WDCP: variants seen among roughly 807,000 people sequenced by gnomAD.
WDCP encodes the protein WD repeat and coiled-coil-containing protein.
WDCP carries 19 observed loss-of-function variants against 41.6 expected under a neutral mutation model. The ratio of observed to expected loss-of-function variants is 0.46; its 90% CI spans 0.32 to 0.67. The LOEUF (loss-of-function observed/expected upper bound fraction) is 0.67, where lower values mean the gene tolerates loss of function less well. Among genes scored for constraint, WDCP ranks in the 30% least tolerant of loss-of-function variants. WDCP has a pLI of 0.04. For synonymous variants in WDCP, 302 were observed against 320.8 expected, an observed-to-expected ratio of 0.94 and a Z score of 0.63; for missense variants, 802 against 850.7, an observed-to-expected ratio of 0.94 and a Z score of 0.71.
At chr2:24,031,252 G>T in intron 3 of WDCP, 90 bp from the exon 4 acceptor site, 1 of 812,524 alleles carries the variant, frequency 1.2e-6, no homozygotes, top group Non-Finnish European at 2.0e-6. Context: ...CTGAGTGAAG[G>T]AATATAGTAG....
At chr2:24,044,651 G>A (rs1033363658) in intron 1 of WDCP, among the ~76,000 whole-genome samples, 11 of 151,948 alleles carry the variant, frequency 7.2e-5, no homozygotes, top group Non-Finnish European at 1.2e-4. Flanking sequence ...TCTCAAAAAC[G>A]CAGTGATAAT....
At chr2:24,040,237 A>C (rs946567744) in intron 1 of WDCP, among the ~76,000 whole-genome samples, 2 of 152,016 alleles carry the variant, frequency 1.3e-5, no homozygotes, top group African/African-American at 4.8e-5. Flanking sequence ...ATGGTTTGAC[A>C]AAAAAAACCC....
intron 1 of WDCP, 73 bp from the exon 2 acceptor site, chr2:24,039,585 A>AC: frequency 7.3e-7 from 1 of 1,366,586 alleles, no homozygotes; most frequent in Non-Finnish European, 1.0e-6. Context: ...ATTTGGTAAG[A>AC]CAACGGCTTA....
chr2:24,032,189 G>A (rs1478660208), intron 3 of WDCP, among the ~76,000 whole-genome samples: 1 of 152,174 alleles, frequency 6.6e-6, no homozygotes, highest in East Asian at 1.9e-4. Context: ...CTGGGCAACA[G>A]AGTGAGACCC....
chr2:24,034,926 T>C (rs1043849308), intron 2 of WDCP, among the ~76,000 whole-genome samples: 1 of 151,944 alleles, frequency 6.6e-6, no homozygotes, highest in Admixed American at 6.5e-5. Flanking sequence ...TTTACATTTA[T>C]AAGTGTTTTA....
At chr2:24,035,689 AG>A in intron 2 of WDCP, among the ~76,000 whole-genome samples, 2 of 151,988 alleles carry the variant, frequency 1.3e-5, no homozygotes, top group African/African-American at 2.4e-5. Flanking sequence ...CTGAAGCAGG[AG>A]GACTGCTTGA....
In WDCP at chr2:24,043,213, G is replaced by A. The variant is rs568593634; in HGVS notation, c.-18-3701C>T. Among the ~76,000 whole-genome samples, 5 of 152,238 alleles carry A rather than the reference G, an allele frequency of 3.3e-5. No individual in the cohort carries two copies. The East Asian group carries it at 9.6e-4, about 29-fold the overall frequency. On this transcript the variant is annotated intron_variant, in intron 1 of 3. Transcript: ENST00000295148. ...TAGCCAGGAGTGATGGCACACTCCT[G>A]TAATCCCAGCTACTTGGGAGGCTGA...
chr2:24,034,219 G>A (rs1292551371), intron 2 of WDCP, among the ~76,000 whole-genome samples: 1 of 152,082 alleles, frequency 6.6e-6, no homozygotes, highest in Non-Finnish European at 1.5e-5. Context: ...TCAGGAGTTC[G>A]AGACCAGCCT....
At position 24,038,413 on chromosome 2, in the gene WDCP, C is replaced by G. The variant is rs747925134; in HGVS notation, c.1082G>C (p.Cys361Ser). The G allele has an allele frequency of 1.9e-6, 3 of 1,614,130 alleles. No homozygotes were observed. The South Asian group carries it at 3.3e-5, about 18-fold the overall frequency. ...AHVVAVASNT[C>S]NIILIYSVIP... The stretch of plus-strand genomic sequence containing the variant: ...GACAGAGTAGATCAAAATTATATTA[C>G]AAGTGTTGGAAGCCACTGCCACTAC... Residue 361 changes from cysteine to serine, a missense_variant, in exon 2 of 4, where the codon TGT becomes TCT. Physicochemically the swap from Cys to Ser is moderately radical, Grantham distance 112 (BLOSUM62 -1). This residue lies in a region of WDCP where 247 missense variants were observed against 240.5 expected (regional missense o/e 1.03). Coordinates refer to ENST00000295148, the MANE Select transcript of WDCP (RefSeq NM_025203.3).
At chr2:24,034,905 A>C (rs1373555052) in intron 2 of WDCP, among the ~76,000 whole-genome samples, 1 of 152,058 alleles carries the variant, frequency 6.6e-6, no homozygotes, top group Admixed American at 6.6e-5. Context: ...TAGTTTTTAA[A>C]AATATAAAAT....
rs1377435269 is a variant in WDCP at position 24,040,495 on chromosome 2, T to C, written c.-18-983A>G. On this transcript the variant is annotated intron_variant, in intron 1 of 3. Transcript: ENST00000295148. ...GCACTTATTTCAAATCCTTCCAAAGTGGCTTTTATCCCTCTATTGAAATGA... is the reference window on the plus strand; with the variant it reads ...GCACTTATTTCAAATCCTTCCAAAGCGGCTTTTATCCCTCTATTGAAATGA... Among the ~76,000 whole-genome samples, 3 of 152,262 alleles carry C rather than the reference T, an allele frequency of 2.0e-5. No individual in the cohort carries two copies. The East Asian group carries it at 5.8e-4, about 29-fold the overall frequency.
At chr2:24,035,217 G>C (rs1663207529) in intron 2 of WDCP, among the ~76,000 whole-genome samples, 1 of 151,668 alleles carries the variant, frequency 6.6e-6, no homozygotes, top group South Asian at 2.1e-4. Flanking sequence ...CTATGCAGCT[G>C]TGGAAAAAAA....
chr2:24,040,029 G>A (rs184544402), intron 1 of WDCP, among the ~76,000 whole-genome samples: 473 of 152,116 alleles, frequency 3.1e-3, no homozygotes, highest in Non-Finnish European at 4.9e-3. Context: ...TCAAACTCCT[G>A]ACCTCAGGCA....
intron 2 of WDCP, 34 bp from the exon 3 acceptor site, chr2:24,032,980 TG>T: frequency 1.5e-6 from 2 of 1,321,930 alleles, no homozygotes; most frequent in Non-Finnish European, 2.2e-6. Context: ...TTAAACTGAT[TG>T]CAGAAGTAAT....
intron 2 of WDCP, among the ~76,000 whole-genome samples, chr2:24,034,506 C>T (rs1663182344): frequency 6.6e-6 from 1 of 151,902 alleles, no homozygotes; most frequent in South Asian, 2.1e-4. Flanking sequence ...GAGATAACTA[C>T]TGACAACAGC....
intron 1 of WDCP, 54 bp from the exon 2 acceptor site, chr2:24,039,566 AT>A: frequency 6.6e-7 from 1 of 1,506,954 alleles, no homozygotes. Flanking sequence ...CAAATCTAGA[AT>A]GTAGGACATT....
rs373269988 is a variant in WDCP, at chr2:24,039,510, T to A, written c.-16A>T. 8 of 1,604,862 alleles carry A rather than the reference T, an allele frequency of 5.0e-6. No homozygotes were observed. In the African/African-American group the frequency reaches 8.0e-5, roughly 16 times the overall value. On this transcript the variant is annotated splice_region_variant and 5_prime_UTR_variant, in exon 2 of 4. Transcript: ENST00000295148. The stretch of plus-strand genomic sequence containing the variant: ...CCAACTCCATCCTTTTGATAAAGGT[T>A]ACCTGAAATGATTAAGAAGGAAAGT...
intron 3 of WDCP, among the ~76,000 whole-genome samples, chr2:24,031,825 C>CAA (rs545558415): frequency 1.0e-4 from 12 of 115,522 alleles, no homozygotes; most frequent in African/African-American, 3.6e-4. Context: ...GACTCGGTCT[C>CAA]AAAAAAAAAA....
rs965648280 is a variant in WDCP at position 24,032,963 on chromosome 2, A to G, written c.1819-17T>C. 9 of 1,448,136 alleles carry G rather than the reference A, an allele frequency of 6.2e-6. No individual in the cohort carries two copies. In the African/African-American group the frequency reaches 9.8e-5, roughly 16 times the overall value. The allele number at this position is 1,448,136 out of a possible 1,614,324, so 89.7% of individuals were successfully genotyped here. On this transcript the variant is annotated splice_polypyrimidine_tract_variant and intron_variant, in intron 2 of 3. Coordinates refer to ENST00000295148, the MANE Select transcript of WDCP (RefSeq NM_025203.3). ...ATAAGGTTTCTGCAAATAAAAAATA[A>G]AAGTTGTTAAACTGATTGCAGAAGT...
Sources: gnomAD v4.1 joint callset for allele counts (sites outside exome capture counted in the v4.1 genomes callset) on GRCh38, gnomAD v4.1.1 for gene constraint, gnomAD v4.1.1 regional missense constraint, MANE v1.5 for transcripts, NCBI Gene and HGNC (gene_info 2026-07-23, HGNC 2026-07-21) for gene names.